The following GPN1 variants were observed in gnomAD, a reference collection of about 807,000 sequenced individuals.
GPN1 encodes GPN-loop GTPase 1.
A neutral mutation model predicts 55.9 loss-of-function variants in GPN1; 44 were observed. The observed-to-expected ratio is 0.79, with a 90% CI of 0.62 to 1.01. GPN1 has a LOEUF of 1.01. Ranked by LOEUF, GPN1 falls within the 50% of genes least tolerant of loss-of-function variation. The probability of loss-of-function intolerance (pLI) is 0.00; values close to 1 mark genes in which losing one functional copy is unlikely to be tolerated. For synonymous variants in GPN1, 179 were observed against 162.5 expected, an observed-to-expected ratio of 1.10 and a Z score of -0.77; for missense variants, 466 against 462.8, an observed-to-expected ratio of 1.01 and a Z score of -0.06.
At chr2:27,637,578 A>T (rs868123444) in intron 7 of GPN1, among the ~76,000 whole-genome samples, 2 of 152,186 alleles carry the variant, frequency 1.3e-5, no homozygotes, top group African/African-American at 4.8e-5. Flanking sequence ...TCCCAGCCTT[A>T]TTGAGGTATA....
upstream of GPN1, chr2:27,628,998 T>A (rs753365995): frequency 3.7e-6 from 6 of 1,608,810 alleles, no homozygotes; most frequent in African/African-American, 5.3e-5. Context: ...CCCAGAACAT[T>A]GCGGAAGTTT....
Position 27,629,965 on chromosome 2 carries a change from G to A in GPN1, c.205+13G>A, listed in dbSNP as rs377481048. 7.1e-7 allele frequency: 1 copy of A among 1,402,446 alleles called. No individual in the cohort carries two copies. The highest frequency in any genetic ancestry group is 1.0e-6 in the Non-Finnish European group (1 of 986,564). The allele number at this position is 1,402,446 out of a possible 1,614,324, so 86.9% of individuals were successfully genotyped here. A position where few individuals can be genotyped will look rare whatever the true frequency, so the allele number is the denominator to read the frequency against. On this transcript the variant is annotated intron_variant, in intron 2 of 13. Transcript: ENST00000610189. Reference sequence around the variant, plus strand: ...CCTGCCAATATTGGTGAGTAAACCAGTAACATAACTTGTGTGCAGTGCTTT... The same window carrying A: ...CCTGCCAATATTGGTGAGTAAACCAATAACATAACTTGTGTGCAGTGCTTT...
chr2:27,630,156 A>C (rs1340451368), intron 2 of GPN1, among the ~76,000 whole-genome samples: 1 of 152,012 alleles, frequency 6.6e-6, no homozygotes, highest in Non-Finnish European at 1.5e-5. Flanking sequence ...GCACGGTGGC[A>C]GGCACCTGTA....
chr2:27,634,210 A>T (rs942160347), intron 5 of GPN1, among the ~76,000 whole-genome samples: 3 of 152,166 alleles, frequency 2.0e-5, no homozygotes, highest in Non-Finnish European at 4.4e-5. Context: ...ATATTTAGAG[A>T]AATGTCTATT....
At chr2:27,637,089 C>T (rs1673762856) in intron 7 of GPN1, among the ~76,000 whole-genome samples, 1 of 152,072 alleles carries the variant, frequency 6.6e-6, no homozygotes, top group Non-Finnish European at 1.5e-5. Context: ...AACCCCATCT[C>T]TACAAAATAT....
chr2:27,639,445 A>G (rs1673855584), intron 9 of GPN1, among the ~76,000 whole-genome samples: 1 of 152,178 alleles, frequency 6.6e-6, no homozygotes, highest in Admixed American at 6.5e-5. Context: ...ACAAAGCAGA[A>G]AGTGATTTGG....
intron 9 of GPN1, 96 bp downstream of exon 9, chr2:27,639,127 A>G (rs563977746): frequency 2.0e-6 from 2 of 982,332 alleles, no homozygotes; most frequent in East Asian, 2.4e-5. Context: ...GAAGCTTATT[A>G]CCTACTGAAA....
At chr2:27,629,332 G>T (rs1304273101) in intron 1 of GPN1, 163 bp downstream of exon 1, 1 of 1,514,394 alleles carries the variant, frequency 6.6e-7, no homozygotes, top group East Asian at 2.4e-5. Flanking sequence ...GCCTCCTCGG[G>T]CCCTAGCCAG....
chr2:27,628,289 T>G, upstream of GPN1: 1 of 1,104,178 alleles, frequency 9.1e-7, no homozygotes. Context: ...GACTGGGTGG[T>G]CAGGAGTAGA....
chr2:27,628,997 T>C (rs1405933528), upstream of GPN1: 5 of 1,608,908 alleles, frequency 3.1e-6, no homozygotes, highest in South Asian at 4.4e-5. Flanking sequence ...GCCCAGAACA[T>C]TGCGGAAGTT....
In GPN1 at chr2:27,650,690, G is replaced by C. The variant is rs1281103110; in HGVS notation, c.*490G>C. The C allele has an allele frequency of 1.3e-5, 2 of 153,378 alleles. No homozygotes were observed. The highest frequency in any genetic ancestry group is 4.8e-5 in the African/African-American group (2 of 41,458). The allele number at this position is 153,378 out of a possible 1,614,324, so 9.5% of individuals were successfully genotyped here. A position where few individuals can be genotyped will look rare whatever the true frequency, so the allele number is the denominator to read the frequency against. On this transcript the variant is annotated 3_prime_UTR_variant, in exon 14 of 14. Transcript: ENST00000610189. ...TGAGCTTATCCAGAACGGTGGCAGAGTCTCCTTGGCAATCAACCAACGTTG... is the reference window on the plus strand; with the variant it reads ...TGAGCTTATCCAGAACGGTGGCAGACTCTCCTTGGCAATCAACCAACGTTG...
intron 12 of GPN1, 40 bp from the exon 13 acceptor site, chr2:27,647,796 T>G (rs774990965): frequency 5.1e-6 from 6 of 1,185,284 alleles, no homozygotes; most frequent in Non-Finnish European, 7.6e-6. Context: ...AAGATCACCT[T>G]TTTGAGGAGG....
rs1310388735 is a variant in GPN1, at chr2:27,650,799, CAG to C, written c.*601_*602del. 1.3e-5 allele frequency: 2 copies of C among 152,798 alleles called. No individual in the cohort carries two copies. The highest frequency in any genetic ancestry group is 2.9e-5 in the Non-Finnish European group (2 of 68,038). 9.5% of individuals were successfully genotyped at this position (152,798 alleles called of 1,614,324 possible). A position where few individuals can be genotyped will look rare whatever the true frequency, so the allele number is the denominator to read the frequency against. ...AGTGGGCAAGACATGATTAATGAAT[CAG>C]AATCCTGTTTCATTGGTGACTTGGA... On this transcript the variant is annotated 3_prime_UTR_variant, in exon 14 of 14. Coordinates refer to ENST00000610189, the MANE Select transcript of GPN1 (RefSeq NM_007266.4).
chr2:27,634,294 A>G (rs1007880426), intron 5 of GPN1, among the ~76,000 whole-genome samples: 8 of 152,218 alleles, frequency 5.3e-5, no homozygotes, highest in African/African-American at 1.9e-4. Flanking sequence ...AAAAGTTGAT[A>G]TAGTTCATAA....
At chr2:27,646,576 C>A (rs570320974) in intron 12 of GPN1, among the ~76,000 whole-genome samples, 2 of 152,108 alleles carry the variant, frequency 1.3e-5, no homozygotes, top group Admixed American at 1.3e-4. Flanking sequence ...CTTCCACCCC[C>A]ACCCCTGTAT....
chr2:27,628,738 T>C (rs1387324713), upstream of GPN1: 2 of 1,549,878 alleles, frequency 1.3e-6, no homozygotes, highest in South Asian at 1.2e-5. Context: ...TTTCTTGCTG[T>C]GTGAGCCCTG....
At chr2:27,631,772 G>A in intron 3 of GPN1, 62 bp from the exon 4 acceptor site, 1 of 932,748 alleles carries the variant, frequency 1.1e-6, no homozygotes, top group Non-Finnish European at 1.8e-6. Context: ...GTGAATGATA[G>A]CCTAGGTATG....
chr2:27,641,999 T>C (rs1673976531), intron 11 of GPN1: 1 of 154,210 alleles, frequency 6.5e-6, no homozygotes, highest in African/African-American at 2.4e-5. Context: ...TTTGTGTTTT[T>C]TTTCCCCCAT....
At chr2:27,634,787 G>C in intron 5 of GPN1, 59 bp from the exon 6 acceptor site, 1 of 947,708 alleles carries the variant, frequency 1.1e-6, no homozygotes, top group Non-Finnish European at 1.8e-6. Flanking sequence ...CTTATATGAT[G>C]GAATATCCTT....
Sources: gnomAD v4.1 joint callset for allele counts (sites outside exome capture counted in the v4.1 genomes callset) on GRCh38, gnomAD v4.1.1 for gene constraint, MANE v1.5 for transcripts, NCBI Gene and HGNC (gene_info 2026-07-23, HGNC 2026-07-21) for gene names.